The following ZIK1 variants were observed in gnomAD, a reference collection of about 807,000 sequenced individuals.
ZIK1 encodes zinc finger protein interacting with ribonucleoprotein K.
In ZIK1, 12 loss-of-function variants were observed where a neutral mutation model predicts 10.7. The ratio of observed to expected loss-of-function variants is 1.12; its 90% CI spans 0.72 to 1.81. ZIK1 has a LOEUF of 1.81. ZIK1 is among the 40% of genes most tolerant of loss of function. The pLI is 0.00. For missense variants in ZIK1, 497 were observed against 585.7 expected (o/e 0.85, Z 1.56); for synonymous variants, 190 against 205.0 (o/e 0.93, Z 0.63).
At chr19:57,589,546 C>A in intron 3 of ZIK1, 2 of 985,412 alleles carry the variant, frequency 2.0e-6, no homozygotes, top group Non-Finnish European at 2.4e-6. Flanking sequence ...TTGACACACA[C>A]ATAATGTCTC....
chr19:57,587,189 G>T (rs1192295900), intron 2 of ZIK1, among the ~76,000 whole-genome samples: 8 of 152,198 alleles, frequency 5.3e-5, no homozygotes. Context: ...TCCCTCCCAT[G>T]ACATGGGAAT....
At chr19:57,585,790 C>T (rs560760414) in intron 2 of ZIK1, among the ~76,000 whole-genome samples, 124 of 152,180 alleles carry the variant, frequency 8.1e-4, no homozygotes, top group African/African-American at 2.8e-3. Context: ...CTCTTTGCAA[C>T]CTCCACCTCC....
intron 2 of ZIK1, among the ~76,000 whole-genome samples, chr19:57,585,964 C>T (rs1051844790): frequency 2.6e-5 from 4 of 151,280 alleles, no homozygotes; most frequent in African/African-American, 9.7e-5. Flanking sequence ...AACTCCTGAC[C>T]TCAGGTGATC....
intron 2 of ZIK1, 61 bp downstream of exon 2, chr19:57,585,051 G>A (rs1205930618): frequency 1.2e-5 from 18 of 1,542,760 alleles, no homozygotes; most frequent in Non-Finnish European, 1.5e-5. Flanking sequence ...TTTTTTCATG[G>A]ATCTTTTTGC....
intron 3 of ZIK1, 128 bp downstream of exon 3, chr19:57,588,793 G>A: frequency 9.3e-7 from 1 of 1,071,362 alleles, no homozygotes. Flanking sequence ...AACACCTGCT[G>A]CCCAGTGGTC....
At chr19:57,588,731 T>C (rs1979392847) in intron 3 of ZIK1, 66 bp downstream of exon 3, 1 of 1,369,354 alleles carries the variant, frequency 7.3e-7, no homozygotes, top group East Asian at 2.6e-5. Flanking sequence ...TTCTCCACTT[T>C]CTTGGGATAT....
chr19:57,585,747 C>T (rs963585786), intron 2 of ZIK1, among the ~76,000 whole-genome samples: 1 of 152,138 alleles, frequency 6.6e-6, no homozygotes, highest in Non-Finnish European at 1.5e-5. Context: ...CTCACTCTGT[C>T]ACTCAGGCTG....
intron 2 of ZIK1, among the ~76,000 whole-genome samples, chr19:57,585,433 C>T (rs1157032048): frequency 6.6e-6 from 1 of 152,132 alleles, no homozygotes; most frequent in African/African-American, 2.4e-5. Context: ...AGAGAATACT[C>T]TGTGGGTGTG....
intron 2 of ZIK1, among the ~76,000 whole-genome samples, chr19:57,586,906 A>C (rs1979208741): frequency 6.6e-6 from 1 of 152,198 alleles, no homozygotes; most frequent in African/African-American, 2.4e-5. Flanking sequence ...TTACTGTATT[A>C]GTCCATTTTC....
At chr19:57,584,581 C>T in intron 1 of ZIK1, 192 bp downstream of exon 1, 1 of 1,402,920 alleles carries the variant, frequency 7.1e-7, no homozygotes. Context: ...CTTGGAGACA[C>T]AGTGAAGAAG....
intron 3 of ZIK1, chr19:57,589,619 A>G: frequency 2.0e-6 from 2 of 985,396 alleles, no homozygotes; most frequent in Non-Finnish European, 2.4e-6. Flanking sequence ...CTCAGTTTCA[A>G]TTGTATTTTC....
In ZIK1 at chr19:57,591,031, A is replaced by T. The variant is rs771301685; in HGVS notation, c.1220A>T (p.Tyr407Phe). The stretch of plus-strand genomic sequence containing the variant: ...AGAGTTCACACTGGAGAAAGGCCTT[A>T]TAAGTGTGGTGACTGTGGGAAATCC... ...HQRVHTGERP[Y>F]KCGDCGKSFS... is the part of the protein sequence containing the mutation. Residue 407 changes from tyrosine (Y) to phenylalanine (F), a missense_variant, in exon 4 of 4, where the codon TAT becomes TTT. Physicochemically the swap from Tyr to Phe is conservative, Grantham distance 22. Coordinates refer to ENST00000597850, the MANE Select transcript of ZIK1 (RefSeq NM_001010879.4). 4 of 1,614,140 alleles carry T rather than the reference A, an allele frequency of 2.5e-6. No homozygotes were observed. The highest frequency in any genetic ancestry group is 2.5e-6 in the Non-Finnish European group (3 of 1,180,024).
At position 57,590,909 on chromosome 19, in the gene ZIK1, TAATC is replaced by T. The variant is rs766799332; in HGVS notation, c.1101_1104del (p.Gln368ThrfsTer142). ...ATTCCTTTAGTCAAAGTGCCATTCT[TAATC>T]AACACCGAAGAATTCACACTGGAGC... On this transcript the variant is annotated frameshift_variant, in exon 4 of 4. Transcript: ENST00000597850. LOFTEE classifies it low-confidence loss of function (END_TRUNC). 1.2e-4 allele frequency: 201 copies of T among 1,613,668 alleles called. No homozygotes were observed. In the East Asian group the frequency reaches 3.6e-3, roughly 29 times the overall value.
chr19:57,589,980 G>A (rs1979506670), intron 3 of ZIK1, 31 bp from the exon 4 acceptor site: 2 of 1,599,912 alleles, frequency 1.3e-6, no homozygotes, highest in African/African-American at 1.3e-5. Flanking sequence ...CATAGTCAAT[G>A]TATATTTCAT....
Position 57,591,484 on chromosome 19 carries a change from A to C in ZIK1, c.*209A>C. On this transcript the variant is annotated 3_prime_UTR_variant, in exon 4 of 4. Coordinates refer to ENST00000597850, the MANE Select transcript of ZIK1 (RefSeq NM_001010879.4). ...CTTGTTTCTCTGGTAGAAACCATCT[A>C]CCCTCTACCACCTTGCACAGTGGGC... 1.7e-6 allele frequency: 1 copy of C among 585,592 alleles called. No individual in the cohort carries two copies. The highest frequency in any genetic ancestry group is 3.0e-6 in the Non-Finnish European group (1 of 333,512). The allele number at this position is 585,592 out of a possible 1,614,324, so 36.3% of individuals were successfully genotyped here.
At chr19:57,584,664 G>T in intron 1 of ZIK1, 1 of 1,378,224 alleles carries the variant, frequency 7.3e-7, no homozygotes, top group African/African-American at 1.5e-5. Flanking sequence ...GGAGGGTTGT[G>T]TACAGAAGCG....
chr19:57,592,196 A>G lies in ZIK1; in HGVS notation c.*921A>G, dbSNP rs939684451. On this transcript the variant is annotated 3_prime_UTR_variant, in exon 4 of 4. Coordinates refer to ENST00000597850, the MANE Select transcript of ZIK1 (RefSeq NM_001010879.4). ...GCTGAGAAGCTTTTCATGGGGTTCT[A>G]TAAGGAGGCATGCCCTGATATCAAA... The G allele has an allele frequency of 6.6e-6, 1 of 152,150 alleles. No individual in the cohort carries two copies. The highest frequency in any genetic ancestry group is 1.5e-5 in the Non-Finnish European group (1 of 68,034). The allele number at this position is 152,150 out of a possible 1,614,324, so 9.4% of individuals were successfully genotyped here.
intron 3 of ZIK1, 126 bp downstream of exon 3, chr19:57,588,791 C>T: frequency 9.2e-7 from 1 of 1,085,626 alleles, no homozygotes; most frequent in Non-Finnish European, 1.2e-6. Flanking sequence ...CTAACACCTG[C>T]TGCCCAGTGG....
intron 2 of ZIK1, among the ~76,000 whole-genome samples, chr19:57,586,696 A>T (rs899212976): frequency 6.6e-6 from 1 of 152,218 alleles, no homozygotes; most frequent in South Asian, 2.1e-4. Flanking sequence ...TGTAGGAAAG[A>T]GGATGATCTG....
Sources: gnomAD v4.1 joint callset for allele counts (sites outside exome capture counted in the v4.1 genomes callset) on GRCh38, gnomAD v4.1.1 for gene constraint, MANE v1.5 for transcripts, NCBI Gene and HGNC (gene_info 2026-07-23, HGNC 2026-07-21) for gene names.